The following ZC3H7B variants were observed in gnomAD, a reference collection of about 807,000 sequenced individuals.
The protein encoded by ZC3H7B is zinc finger CCCH-type containing 7B.
A neutral mutation model predicts 116.0 loss-of-function variants in ZC3H7B; 35 were observed. The observed-to-expected ratio is 0.30, with a 90% CI of 0.23 to 0.40. The LOEUF (loss-of-function observed/expected upper bound fraction) is 0.40. Among genes scored for constraint, ZC3H7B ranks in the 10% least tolerant of loss-of-function variants. The pLI is 1.00. For synonymous variants in ZC3H7B, 502 were observed against 545.6 expected, an observed-to-expected ratio of 0.92 and a Z score of 1.11; for missense variants, 1,011 against 1,321.5, an observed-to-expected ratio of 0.77 and a Z score of 3.64.
At chr22:41,310,061 C>G (rs1322528659) in intron 1 of ZC3H7B, among the ~76,000 whole-genome samples, 1 of 151,930 alleles carries the variant, frequency 6.6e-6, no homozygotes, top group Non-Finnish European at 1.5e-5. Flanking sequence ...AAAAATTAGC[C>G]AGGCGTGGTG....
At position 41,339,902 on chromosome 22, in the gene ZC3H7B, G is replaced by T. The variant is rs1281843137; in HGVS notation, c.903G>T (p.Leu301=). The change falls in exon 10 of 23, where the codon CTG becomes CTT. Residue 301 remains leucine (L), a synonymous_variant. Coordinates refer to ENST00000352645, the MANE Select transcript of ZC3H7B (RefSeq NM_017590.6). ...LIPVFPGGTP[L]LPPVVGGSIP... is the part of the protein sequence containing the mutation. ...CCGTGTTCCCCGGCGGGACCCCACT[G>T]CTACCACCTGTGGTGGGTGGCTCCA... is the stretch of plus-strand genomic sequence containing the variant. 1 of 1,613,696 alleles carries T rather than the reference G, an allele frequency of 6.2e-7. No homozygotes were observed. Among genetic ancestry groups the T allele is most frequent in the Non-Finnish European group, 8.5e-7 (1 of 1,179,996 alleles).
intron 1 of ZC3H7B, among the ~76,000 whole-genome samples, chr22:41,315,197 C>T (rs6002330): frequency 8.6e-5 from 13 of 151,914 alleles, no homozygotes; most frequent in African/African-American, 3.1e-4. Flanking sequence ...ACTGGGGACA[C>T]CTTCCACACG....
At position 41,359,615 on chromosome 22, in the gene ZC3H7B, G is replaced by A. The variant is rs945576801; in HGVS notation, c.*2186G>A. On this transcript the variant is annotated 3_prime_UTR_variant, in exon 23 of 23. Coordinates refer to ENST00000352645, the MANE Select transcript of ZC3H7B (RefSeq NM_017590.6). ...TTTGTATTTGTCTCCCCGCTGAAAA[G>A]AACAGGATTCAAGTCCAGAGTTTTC... is the stretch of plus-strand genomic sequence containing the variant. The A allele has an allele frequency of 2.6e-5, 4 of 152,256 alleles. No individual in the cohort carries two copies. The highest frequency in any genetic ancestry group is 9.6e-5 in the African/African-American group (4 of 41,454). The allele number at this position is 152,256 out of a possible 1,614,324, so 9.4% of individuals were successfully genotyped here.
intron 2 of ZC3H7B, among the ~76,000 whole-genome samples, chr22:41,322,646 A>G (rs1274947230): frequency 6.6e-6 from 1 of 152,124 alleles, no homozygotes; most frequent in Non-Finnish European, 1.5e-5. Flanking sequence ...GCCCCTTCCG[A>G]GGCCCTGGAA....
At chr22:41,345,934 G>A (rs578100421) in intron 13 of ZC3H7B, 69 bp from the exon 14 acceptor site, 24 of 1,522,016 alleles carry the variant, frequency 1.6e-5, no homozygotes, top group African/African-American at 6.8e-5. Context: ...AGGCCGCAGC[G>A]GGGTGGCGAG....
chr22:41,352,804 G>A (rs1019846397), intron 17 of ZC3H7B, among the ~76,000 whole-genome samples: 15 of 152,022 alleles, frequency 9.9e-5, no homozygotes, highest in African/African-American at 3.6e-4. Context: ...GAGGCCTGGC[G>A]TGGTGGCTGA....
chr22:41,310,857 T>C (rs2036108166), intron 1 of ZC3H7B, among the ~76,000 whole-genome samples: 1 of 151,950 alleles, frequency 6.6e-6, no homozygotes, highest in Non-Finnish European at 1.5e-5. Context: ...CTCCGCCTCC[T>C]GGGTTCACGC....
chr22:41,357,836 C>T lies in ZC3H7B; in HGVS notation c.*407C>T. Reference sequence around the variant, plus strand: ...GTCCTTCTCTCCCTGGCCCGTCCTCCTCCCACCCCCTCCCCCTGGGGGCAA... The same window carrying T: ...GTCCTTCTCTCCCTGGCCCGTCCTCTTCCCACCCCCTCCCCCTGGGGGCAA... On this transcript the variant is annotated 3_prime_UTR_variant, in exon 23 of 23. Coordinates refer to ENST00000352645, the MANE Select transcript of ZC3H7B (RefSeq NM_017590.6). The surrounding 1 kb of genome is among the most constrained non-coding windows in gnomAD (Gnocchi z 5.4). 4.2e-6 allele frequency: 1 copy of T among 236,774 alleles called. No individual in the cohort carries two copies. The highest frequency in any genetic ancestry group is 9.6e-5 in the East Asian group (1 of 10,380). The allele number at this position is 236,774 out of a possible 1,614,324, so 14.7% of individuals were successfully genotyped here.
At chr22:41,345,377 G>C (rs1436891313) in intron 13 of ZC3H7B, among the ~76,000 whole-genome samples, 1 of 152,096 alleles carries the variant, frequency 6.6e-6, no homozygotes, top group Non-Finnish European at 1.5e-5. Context: ...CCTGAGGTCG[G>C]GAGTTTGAGA....
chr22:41,339,201 A>C lies in ZC3H7B; in HGVS notation c.816+10A>C, dbSNP rs779091897. The stretch of plus-strand genomic sequence containing the variant: ...CCTCCTGGACTCGCTGGTGAGCCAC[A>C]CCACCCTCCTTGTGCTCCCCTGATC... On this transcript the variant is annotated intron_variant, in intron 9 of 22. Transcript: ENST00000352645. 2.5e-6 allele frequency: 4 copies of C among 1,597,880 alleles called. No individual in the cohort carries two copies. In the East Asian group the frequency reaches 6.8e-5, roughly 27 times the overall value.
chr22:41,341,004 A>G (rs2145930138), intron 10 of ZC3H7B, 84 bp from the exon 11 acceptor site: 1 of 1,362,654 alleles, frequency 7.3e-7, no homozygotes, highest in Non-Finnish European at 1.0e-6. Flanking sequence ...TCTCCGAGTC[A>G]GCAATACATA....
rs189673050 is a variant in ZC3H7B, at chr22:41,349,114, C to T, written c.1767-6C>T. On this transcript the variant is annotated splice_region_variant and splice_polypyrimidine_tract_variant and intron_variant, in intron 15 of 22. Coordinates refer to ENST00000352645, the MANE Select transcript of ZC3H7B (RefSeq NM_017590.6). This position sits in a 1 kb window ranked among gnomAD's most constrained non-coding sequence, Gnocchi z 4.9. ...ATCGTGCCCCTCCTGCCTGCCCGCC[C>T]GCCAGGTGCCTGGTGCACATCGTCC... 229 of 1,613,258 alleles carry T rather than the reference C, an allele frequency of 1.4e-4. No homozygotes were observed. The African/African-American group carries it at 2.1e-3, about 15-fold the overall frequency.
intron 1 of ZC3H7B, among the ~76,000 whole-genome samples, chr22:41,314,044 C>T (rs144368539): frequency 5.3e-5 from 8 of 151,294 alleles, no homozygotes; most frequent in African/African-American, 1.7e-4. Flanking sequence ...CGTCAGCTAC[C>T]GCGCCTGTCC....
Position 41,357,284 on chromosome 22 carries a change from T to G in ZC3H7B, c.2789T>G (p.Leu930Trp). The G allele has an allele frequency of 6.2e-7, 1 of 1,613,788 alleles. No individual in the cohort carries two copies. The highest frequency in any genetic ancestry group is 1.3e-5 in the African/African-American group (1 of 75,034). ...LDRREVLKQK[L>W]AKARKDMLLC... is the part of the protein sequence containing the mutation. ...CGGCGCGAGGTGCTGAAGCAGAAGTTGGCCAAGGCTCGCAAGGACATGCTG... is the reference window on the plus strand; with the variant it reads ...CGGCGCGAGGTGCTGAAGCAGAAGTGGGCCAAGGCTCGCAAGGACATGCTG... Residue 930 changes from leucine to tryptophan, a missense_variant, in exon 23 of 23, where the codon TTG (leucine) becomes TGG (tryptophan). By Grantham distance (61) the Leu-to-Trp change is moderately conservative. This residue lies in a region of ZC3H7B where 406 missense variants were observed against 590.2 expected (regional missense o/e 0.69). Coordinates refer to ENST00000352645, the MANE Select transcript of ZC3H7B (RefSeq NM_017590.6). This position sits in a 1 kb window ranked among gnomAD's most constrained non-coding sequence, Gnocchi z 5.4.
chr22:41,313,497 A>G (rs1486492168), intron 1 of ZC3H7B, among the ~76,000 whole-genome samples: 1 of 152,206 alleles, frequency 6.6e-6, no homozygotes, highest in Non-Finnish European at 1.5e-5. Flanking sequence ...GGTTCACCTG[A>G]GTGCCTGGGA....
chr22:41,352,869 G>C (rs2145942204), intron 17 of ZC3H7B, among the ~76,000 whole-genome samples: 1 of 151,552 alleles, frequency 6.6e-6, no homozygotes, highest in South Asian at 2.1e-4. Context: ...CCTGAGGTCA[G>C]GAGTTTGAGA....
At chr22:41,313,769 GTCTC>G (rs911533819) in intron 1 of ZC3H7B, among the ~76,000 whole-genome samples, 2 of 152,068 alleles carry the variant, frequency 1.3e-5, no homozygotes, top group Non-Finnish European at 1.5e-5. Flanking sequence ...TTGAGACAGA[GTCTC>G]TCTCTGTCGC....
Position 41,357,068 on chromosome 22 carries a change from T to C in ZC3H7B, c.2682-109T>C. ...GGTTTTCCCTGAGCTGGGACCCAGCTGCCCAGGGAGAGGCTTGTCTTCGGG... is the reference window on the plus strand; with the variant it reads ...GGTTTTCCCTGAGCTGGGACCCAGCCGCCCAGGGAGAGGCTTGTCTTCGGG... On this transcript the variant is annotated intron_variant, in intron 22 of 22. Transcript: ENST00000352645. This position sits in a 1 kb window ranked among gnomAD's most constrained non-coding sequence, Gnocchi z 5.4. 1 of 1,515,218 alleles carries C rather than the reference T, an allele frequency of 6.6e-7. No individual in the cohort carries two copies. Among genetic ancestry groups the C allele is most frequent in the South Asian group, 1.3e-5 (1 of 78,496 alleles). 93.9% of individuals were successfully genotyped at this position (1,515,218 alleles called of 1,614,324 possible). A position where few individuals can be genotyped will look rare whatever the true frequency, so the allele number is the denominator to read the frequency against.
intron 13 of ZC3H7B, among the ~76,000 whole-genome samples, 196 bp downstream of exon 13, chr22:41,343,772 A>G (rs1165455143): frequency 6.6e-6 from 1 of 152,208 alleles, no homozygotes; most frequent in Non-Finnish European, 1.5e-5. Context: ...TTCTTCCCTT[A>G]GCAGCTTCCA....
Sources: gnomAD v4.1 joint callset for allele counts (sites outside exome capture counted in the v4.1 genomes callset) on GRCh38, gnomAD v4.1.1 for gene constraint, gnomAD v4.1.1 regional missense constraint, Gnocchi (gnomAD v3.1) non-coding constraint, MANE v1.5 for transcripts, NCBI Gene and HGNC (gene_info 2026-07-23, HGNC 2026-07-21) for gene names.